ABCB7: variants seen among roughly 807,000 people sequenced by gnomAD.
ABCB7 encodes the protein iron-sulfur clusters transporter ABCB7, mitochondrial.
ABCB7 carries 7 observed loss-of-function variants against 54.4 expected under a neutral mutation model. The observed-to-expected ratio is 0.13, with a 90% CI of 0.07 to 0.24. The LOEUF is 0.24. Among genes scored for constraint, ABCB7 ranks in the 10% least tolerant of loss-of-function variants. The probability of loss-of-function intolerance (pLI) is 1.00; values close to 1 mark genes in which losing one functional copy is unlikely to be tolerated. For missense variants in ABCB7, 356 were observed against 570.4 expected, an observed-to-expected ratio of 0.62 and a Z score of 3.83; for synonymous variants, 218 against 207.1, an observed-to-expected ratio of 1.05 and a Z score of -0.45.
At chrX:75,083,285 T>G (rs1384354578) in intron 4 of ABCB7, among the ~76,000 whole-genome samples, 2 of 111,395 alleles carry the variant, frequency 1.8e-5, no homozygotes, top group African/African-American at 3.3e-5. Context: ...CCCCTCTAGT[T>G]GTGACCTATA....
chrX:75,132,383 G>A (rs761425256), intron 1 of ABCB7, among the ~76,000 whole-genome samples: 5 of 113,307 alleles, frequency 4.4e-5, no homozygotes, highest in East Asian at 2.8e-4. Context: ...TAGGCTGATC[G>A]TTCTGACTGA....
chrX:75,150,830 A>G (rs1445380691), intron 1 of ABCB7, among the ~76,000 whole-genome samples: 1 of 111,960 alleles, frequency 8.9e-6, no homozygotes, highest in East Asian at 2.8e-4. Context: ...TAACAATTGT[A>G]TAACAATAAT....
intron 9 of ABCB7, 77 bp downstream of exon 9, chrX:75,071,432 G>C: frequency 9.4e-7 from 1 of 1,065,685 alleles, no homozygotes; most frequent in Non-Finnish European, 1.3e-6. Flanking sequence ...ATTAAGATAA[G>C]CATGCACATT....
At chrX:75,077,330 C>A (rs1392874226) in intron 4 of ABCB7, among the ~76,000 whole-genome samples, 1 of 111,716 alleles carries the variant, frequency 9.0e-6, no homozygotes, top group East Asian at 2.8e-4. Flanking sequence ...CAATAATGAA[C>A]CTATTTCTCC....
chrX:75,073,740 A>G lies in ABCB7; in HGVS notation c.981T>C (p.Asn327=). 1 of 1,205,695 alleles carries G rather than the reference A, an allele frequency of 8.3e-7. No individual in the cohort carries two copies. Among genetic ancestry groups the G allele is most frequent in the Non-Finnish European group, 1.1e-6 (1 of 889,760 alleles). ...RFRIEMNKAD[N]DAGNAAIDSL... ...AGTCTATAGCAGCATTACCTGCATC[A>G]TTATCTGCTTTGTTCATTTCTATTC... Residue 327 remains asparagine (N), a synonymous_variant, in exon 8 of 16, where the codon AAT becomes AAC. Transcript: ENST00000373394.
At chrX:75,134,376 T>C (rs1024272660) in intron 1 of ABCB7, among the ~76,000 whole-genome samples, 8 of 111,746 alleles carry the variant, frequency 7.2e-5, no homozygotes, top group Non-Finnish European at 1.3e-4. Context: ...ACAATAATAG[T>C]GGGATGCTTC....
At chrX:75,136,059 T>C (rs1275152695) in intron 1 of ABCB7, among the ~76,000 whole-genome samples, 3 of 110,575 alleles carry the variant, frequency 2.7e-5, no homozygotes. Flanking sequence ...ACAGATGATA[T>C]GATACTATCA....
intron 1 of ABCB7, among the ~76,000 whole-genome samples, chrX:75,120,160 G>T (rs1348919427): frequency 8.9e-6 from 1 of 111,996 alleles, no homozygotes; most frequent in African/African-American, 3.2e-5. Flanking sequence ...AAACTTTTAA[G>T]CTATTTACAG....
chrX:75,121,681 GAA>G (rs2081880519), intron 1 of ABCB7, among the ~76,000 whole-genome samples: 1 of 112,142 alleles, frequency 8.9e-6, no homozygotes, highest in African/African-American at 3.2e-5. Context: ...ACAGTTCATT[GAA>G]AGCCTTCTAA....
At position 75,053,086 on chromosome X, in the gene ABCB7, T is replaced by G; in HGVS notation, c.*284A>C. The G allele has an allele frequency of 3.1e-6, 1 of 324,153 alleles. No homozygotes were observed. The highest frequency in any genetic ancestry group is 5.4e-6 in the Non-Finnish European group (1 of 186,507). The allele number at this position is 324,153 out of a possible 1,213,427, so 26.7% of individuals were successfully genotyped here. ...CTGATTCATCTGGCTATAGATCAAA[T>G]GAATGTCAGGCCTCAAGAGGGTAAT... On this transcript the variant is annotated 3_prime_UTR_variant, in exon 16 of 16. Coordinates refer to ENST00000373394, the MANE Select transcript of ABCB7 (RefSeq NM_001271696.3).
chrX:75,123,641 A>T (rs1407213305), intron 1 of ABCB7, among the ~76,000 whole-genome samples: 3 of 111,992 alleles, frequency 2.7e-5, no homozygotes, highest in African/African-American at 9.7e-5. Flanking sequence ...AAATCCAAAG[A>T]TATTAAAATC....
intron 1 of ABCB7, 92 bp from the exon 2 acceptor site, chrX:75,114,923 T>C (rs775752563): frequency 1.3e-6 from 1 of 763,382 alleles, no homozygotes. Context: ...TACAGAAAAT[T>C]AAAACCATAG....
At chrX:75,147,069 C>T (rs1024485005) in intron 1 of ABCB7, among the ~76,000 whole-genome samples, 5 of 109,995 alleles carry the variant, frequency 4.5e-5, no homozygotes, top group African/African-American at 1.7e-4. Flanking sequence ...AAAAAAAATG[C>T]TCAACATCAC....
intron 1 of ABCB7, among the ~76,000 whole-genome samples, chrX:75,115,787 G>T (rs981414970): frequency 1.2e-5 from 1 of 86,783 alleles, no homozygotes; most frequent in Non-Finnish European, 2.1e-5. Context: ...TGTGTGTGTT[G>T]GGGGGGGGGG....
At position 75,139,184 on chromosome X, in the gene ABCB7, C is replaced by T. The variant is rs1011000484; in HGVS notation, c.168+16921G>A. ...CCTAAAACACTTCAAACCCTTATTC[C>T]CTCTGCTCAAAATTATCTAATAGCT... is the stretch of plus-strand genomic sequence containing the variant. On this transcript the variant is annotated intron_variant, in intron 1 of 15. Coordinates refer to ENST00000373394, the MANE Select transcript of ABCB7 (RefSeq NM_001271696.3). 1.4e-4 allele frequency among the ~76,000 whole-genome samples: 16 copies of T among 110,569 alleles called. No homozygotes were observed. In the East Asian group the frequency reaches 4.0e-3, roughly 27 times the overall value.
chrX:75,068,304 T>C (rs1265408041), intron 12 of ABCB7, among the ~76,000 whole-genome samples: 1 of 111,829 alleles, frequency 8.9e-6, no homozygotes, highest in East Asian at 2.8e-4. Context: ...AACTTTATAA[T>C]ACATACTAGC....
intron 1 of ABCB7, among the ~76,000 whole-genome samples, chrX:75,141,442 C>A (rs2082052926): frequency 9.1e-6 from 1 of 110,455 alleles, no homozygotes; most frequent in Non-Finnish European, 1.9e-5. Context: ...ATCATTTGGC[C>A]TACTGAATTT....
Position 75,072,933 on chromosome X carries a change from T to C in ABCB7, c.1032+756A>G, listed in dbSNP as rs764811283. Among the ~76,000 whole-genome samples, 46 of 110,939 alleles carry C rather than the reference T, an allele frequency of 4.1e-4. 1 individual carries two copies. Among genetic ancestry groups the C allele is most frequent in the Non-Finnish European group, 7.6e-4 (40 of 52,899 alleles). On this transcript the variant is annotated intron_variant, in intron 8 of 15. Transcript: ENST00000373394. ...TAGGCTATTTTCTATTTAATTTTTT[T>C]TTTTTTTACTTTTTAAACTTTTTTG...
chrX:75,062,534 C>T, intron 13 of ABCB7, 103 bp from the exon 14 acceptor site: 1 of 584,781 alleles, frequency 1.7e-6, no homozygotes, highest in Non-Finnish European at 2.9e-6. Context: ...CTGAACATTT[C>T]CTTATTCTCC....
Sources: gnomAD v4.1 joint callset for allele counts (sites outside exome capture counted in the v4.1 genomes callset) on GRCh38, gnomAD v4.1.1 for gene constraint, MANE v1.5 for transcripts, NCBI Gene and HGNC (gene_info 2026-07-23, HGNC 2026-07-21) for gene names.